RBMS3: variants seen among roughly 807,000 people sequenced by gnomAD.
RBMS3 encodes the protein RNA-binding motif, single-stranded-interacting protein 3.
A neutral mutation model predicts 66.8 loss-of-function variants in RBMS3; 27 were observed. The ratio of observed to expected loss-of-function variants is 0.40; its 90% confidence interval spans 0.30 to 0.56. RBMS3 has a LOEUF of 0.56. Ranked by LOEUF, RBMS3 falls within the 20% of genes least tolerant of loss-of-function variation. RBMS3 has a pLI of 0.40. For synonymous variants in RBMS3, 188 were observed against 183.0 expected, an observed-to-expected ratio of 1.03 and a Z score of -0.22; for missense variants, 513 against 549.5, an observed-to-expected ratio of 0.93 and a Z score of 0.66.
chr3:29,747,903 A>AGGCTGTTTT, intron 5 of RBMS3, among the ~76,000 whole-genome samples: 1 of 152,144 alleles, frequency 6.6e-6, no homozygotes, highest in Admixed American at 6.5e-5. Flanking sequence ...TTTAGGCTTG[A>AGGCTGTTTT]AGGTGATGTT....
intron 8 of RBMS3, among the ~76,000 whole-genome samples, chr3:29,889,027 C>T (rs2149588268): frequency 6.6e-6 from 1 of 151,214 alleles, no homozygotes; most frequent in Admixed American, 6.6e-5. Context: ...AATCACCTAC[C>T]TACCTGGTTT....
chr3:29,464,011 A>C (rs1007734858), intron 2 of RBMS3, among the ~76,000 whole-genome samples: 6 of 152,124 alleles, frequency 3.9e-5, no homozygotes, highest in Non-Finnish European at 7.3e-5. Flanking sequence ...TGGACCAATG[A>C]AAAATTTTCT....
chr3:29,603,570 C>G (rs995017571), intron 4 of RBMS3, among the ~76,000 whole-genome samples: 2 of 151,938 alleles, frequency 1.3e-5, no homozygotes, highest in African/African-American at 4.8e-5. Flanking sequence ...CATGCCAGAG[C>G]CCCTCCACAC....
At chr3:29,615,806 T>G (rs1159628417) in intron 4 of RBMS3, among the ~76,000 whole-genome samples, 2 of 152,230 alleles carry the variant, frequency 1.3e-5, no homozygotes, top group Non-Finnish European at 2.9e-5. Flanking sequence ...AAATTCAATT[T>G]TTATTTTCTT....
chr3:29,798,037 T>A (rs1465020074), intron 6 of RBMS3, among the ~76,000 whole-genome samples: 1 of 151,670 alleles, frequency 6.6e-6, no homozygotes, highest in East Asian at 1.9e-4. Flanking sequence ...AAGAAAGAGA[T>A]GGGGAACATC....
At chr3:29,578,725 T>TGG (rs2047210331) in intron 3 of RBMS3, among the ~76,000 whole-genome samples, 1 of 151,226 alleles carries the variant, frequency 6.6e-6, no homozygotes, top group Non-Finnish European at 1.5e-5. Flanking sequence ...AGTGACAAGT[T>TGG]GGCGGAGGGA....
intron 6 of RBMS3, among the ~76,000 whole-genome samples, chr3:29,856,055 T>C (rs1367053048): frequency 6.6e-6 from 1 of 152,270 alleles, no homozygotes; most frequent in African/African-American, 2.4e-5. Context: ...ATAAATGAAA[T>C]TGATTTATAA....
In RBMS3 at chr3:29,763,025, G is replaced by A. The variant is rs150660396; in HGVS notation, c.637+36G>A. ...CACTAATAAGTGACTGAATGATGCC[G>A]AGGCTTAAATTGCTCTTATTAGAAT... On this transcript the variant is annotated intron_variant, in intron 6 of 14. Transcript: ENST00000383767. 5.6e-4 allele frequency: 787 copies of A among 1,394,968 alleles called. 1 individual carries two copies. Among genetic ancestry groups the A allele is most frequent in the Middle Eastern group, 4.1e-3 (23 of 5,604 alleles). 86.4% of individuals were successfully genotyped at this position (1,394,968 alleles called of 1,614,324 possible).
intron 3 of RBMS3, among the ~76,000 whole-genome samples, chr3:29,563,373 CTG>C (rs1207572304): frequency 6.6e-6 from 1 of 152,170 alleles, no homozygotes; most frequent in Non-Finnish European, 1.5e-5. Context: ...CCTAAAATGA[CTG>C]TGACCAGCAT....
In RBMS3 at chr3:29,473,707, TG is replaced by T. The variant is rs578097561; in HGVS notation, c.249-14729del. On this transcript the variant is annotated intron_variant, in intron 2 of 14. Coordinates refer to ENST00000383767, the MANE Select transcript of RBMS3 (RefSeq NM_001003793.3). ...TGCAGCGCCAGTGGGCCGGCACTGC[TG>T]GGGGACCCAGTACACCCTCCGCAGC... Among the ~76,000 whole-genome samples the T allele has an allele frequency of 2.0e-3, 300 of 152,276 alleles. 1 individual carries two copies. Among genetic ancestry groups the T allele is most frequent in the African/African-American group, 6.9e-3 (287 of 41,566 alleles).
At chr3:29,976,944 A>T (rs1697630945) in intron 12 of RBMS3, among the ~76,000 whole-genome samples, 1 of 152,114 alleles carries the variant, frequency 6.6e-6, no homozygotes, top group African/African-American at 2.4e-5. Flanking sequence ...TATATCCCCA[A>T]GCTTTCTTTG....
chr3:29,912,497 T>C (rs1409022753), intron 10 of RBMS3, among the ~76,000 whole-genome samples: 1 of 152,098 alleles, frequency 6.6e-6, no homozygotes, highest in African/African-American at 2.4e-5. Context: ...AAATTTCTCT[T>C]ATGTTCATAA....
chr3:29,867,950 A>T (rs2149548426), intron 6 of RBMS3, among the ~76,000 whole-genome samples: 1 of 152,108 alleles, frequency 6.6e-6, no homozygotes, highest in East Asian at 1.9e-4. Context: ...TTAATGTATT[A>T]AAAAAGTTTG....
intron 2 of RBMS3, among the ~76,000 whole-genome samples, chr3:29,478,930 C>G (rs532650665): frequency 6.6e-6 from 1 of 152,074 alleles, no homozygotes; most frequent in Non-Finnish European, 1.5e-5. Context: ...AATTTTTCTG[C>G]GTTTTAAAGG....
At chr3:29,606,473 A>T (rs1388383091) in intron 4 of RBMS3, among the ~76,000 whole-genome samples, 1 of 151,956 alleles carries the variant, frequency 6.6e-6, no homozygotes, top group Non-Finnish European at 1.5e-5. Flanking sequence ...TAGAATTTGG[A>T]ATCAGAGCTG....
chr3:29,856,170 C>T (rs997286440), intron 6 of RBMS3, among the ~76,000 whole-genome samples: 1 of 152,168 alleles, frequency 6.6e-6, no homozygotes, highest in African/African-American at 2.4e-5. Flanking sequence ...AATAGCACAA[C>T]ACCTGATATA....
intron 4 of RBMS3, among the ~76,000 whole-genome samples, chr3:29,604,243 T>A (rs956581110): frequency 6.6e-6 from 1 of 151,982 alleles, no homozygotes; most frequent in African/African-American, 2.4e-5. Context: ...GCAATATAAT[T>A]GTGAGTGTAT....
chr3:29,483,454 T>C (rs1231594887), intron 2 of RBMS3, among the ~76,000 whole-genome samples: 1 of 152,168 alleles, frequency 6.6e-6, no homozygotes, highest in Non-Finnish European at 1.5e-5. Context: ...AGTATCAACC[T>C]TACCTGGGAT....
At chr3:29,573,988 A>G (rs1385635810) in intron 3 of RBMS3, among the ~76,000 whole-genome samples, 2 of 152,222 alleles carry the variant, frequency 1.3e-5, no homozygotes, top group Admixed American at 6.5e-5. Flanking sequence ...CACATAATCT[A>G]TCCTAGAGAA....
Sources: allele counts gnomAD v4.1 joint callset (sites outside exome capture counted in the v4.1 genomes callset), GRCh38; gene constraint gnomAD v4.1.1; transcripts MANE v1.5; gene names NCBI Gene and HGNC (gene_info 2026-07-23, HGNC 2026-07-21).